RAD54B: variants seen among roughly 807,000 people sequenced by gnomAD.
RAD54B encodes the protein RAD54 homolog B.
In RAD54B, 78 loss-of-function variants were observed where a neutral mutation model predicts 95.8. That is an observed-to-expected ratio of 0.81 (90% CI 0.68 to 0.98). The LOEUF is 0.98. RAD54B is among the 50% of genes least tolerant of loss of function. The pLI, the probability that RAD54B is intolerant of heterozygous loss-of-function variation, is 0.00. For missense variants in RAD54B, 957 were observed against 1,056.6 expected, an observed-to-expected ratio of 0.91 and a Z score of 1.31; for synonymous variants, 328 against 354.9, an observed-to-expected ratio of 0.92 and a Z score of 0.85.
At position 94,429,561 on chromosome 8, in the gene RAD54B, T is replaced by C. The variant is rs968908288; in HGVS notation, c.305-18246A>G. On this transcript the variant is annotated intron_variant, in intron 3 of 14. Transcript: ENST00000336148. ...TGTAAAGTGAATTACATCTCATATATGTGCTTTCAATAATTTCAAAAAATA... is the reference window on the plus strand; with the variant it reads ...TGTAAAGTGAATTACATCTCATATACGTGCTTTCAATAATTTCAAAAAATA... 9.2e-6 allele frequency: 9 copies of C among 982,716 alleles called. No homozygotes were observed. In the Admixed American group the frequency reaches 3.1e-4, roughly 34 times the overall value. 60.9% of individuals were successfully genotyped at this position (982,716 alleles called of 1,614,324 possible). A position where few individuals can be genotyped will look rare whatever the true frequency, so the allele number is the denominator to read the frequency against.
chr8:94,390,850 A>C (rs1227856542), intron 10 of RAD54B, among the ~76,000 whole-genome samples: 1 of 152,010 alleles, frequency 6.6e-6, no homozygotes, highest in Non-Finnish European at 1.5e-5. Context: ...CTAAACACGA[A>C]ATTCATTTAT....
At chr8:94,399,275 C>G in intron 8 of RAD54B, 139 bp downstream of exon 8, 3 of 685,962 alleles carry the variant, frequency 4.4e-6, no homozygotes, top group Non-Finnish European at 7.2e-6. Flanking sequence ...AGAATCCTAC[C>G]AAGAGTTAAT....
intron 2 of RAD54B, among the ~76,000 whole-genome samples, chr8:94,461,756 G>A (rs1028477056): frequency 5.9e-5 from 9 of 152,010 alleles, no homozygotes; most frequent in African/African-American, 1.7e-4. Context: ...ACACACACAC[G>A]TGAGAGTAAA....
intron 3 of RAD54B, among the ~76,000 whole-genome samples, chr8:94,454,483 C>A (rs888469548): frequency 1.2e-4 from 18 of 151,952 alleles, no homozygotes; most frequent in Non-Finnish European, 4.4e-5. Context: ...CAAATAAAAC[C>A]AATAAAATAT....
intron 3 of RAD54B, among the ~76,000 whole-genome samples, chr8:94,447,579 C>T (rs954650368): frequency 6.6e-6 from 1 of 152,190 alleles, no homozygotes; most frequent in Admixed American, 6.5e-5. Flanking sequence ...AAAGTATGTG[C>T]CTGCTTCGTA....
intron 14 of RAD54B, among the ~76,000 whole-genome samples, chr8:94,374,898 A>G (rs944800697): frequency 6.6e-6 from 1 of 152,234 alleles, no homozygotes; most frequent in Non-Finnish European, 1.5e-5. Context: ...GTTCACATAA[A>G]GAACTATGGT....
intron 14 of RAD54B, among the ~76,000 whole-genome samples, chr8:94,377,743 G>A (rs1247018017): frequency 6.0e-5 from 9 of 150,940 alleles, no homozygotes; most frequent in Admixed American, 1.3e-4. Flanking sequence ...TTGGGAGGCC[G>A]AGGCGGGCGG....
In RAD54B at chr8:94,399,540, C is replaced by A. The variant is rs119490107; in HGVS notation, c.1252G>T (p.Asp418Tyr). 3.8e-5 allele frequency: 61 copies of A among 1,612,854 alleles called. No individual in the cohort carries two copies. In the East Asian group the frequency reaches 1.4e-3, roughly 36 times the overall value. ...ISYEMLLRSL[D>Y]QIKNIKFDLL... ...TCAAATTTTATATTCTTAATTTGATCCAGGGAACGAAGTAACATTTCATAA... is the reference window on the plus strand; with the variant it reads ...TCAAATTTTATATTCTTAATTTGATACAGGGAACGAAGTAACATTTCATAA... The change falls in exon 8 of 15, where the codon GAT (aspartate) becomes TAT (tyrosine). Residue 418 changes from aspartate (D) to tyrosine (Y), a missense_variant. Transcript: ENST00000336148.
At chr8:94,397,264 T>A (rs566529823) in intron 8 of RAD54B, among the ~76,000 whole-genome samples, 1 of 152,268 alleles carries the variant, frequency 6.6e-6, no homozygotes, top group Non-Finnish European at 1.5e-5. Flanking sequence ...ACTTTCATAA[T>A]AAGGAACAAA....
chr8:94,410,443 C>T (rs1811502134), intron 4 of RAD54B, among the ~76,000 whole-genome samples: 1 of 152,072 alleles, frequency 6.6e-6, no homozygotes, highest in Non-Finnish European at 1.5e-5. Context: ...CTGCCTGGCA[C>T]ATAATAGTTA....
chr8:94,395,266 G>T (rs1427196745), intron 8 of RAD54B, among the ~76,000 whole-genome samples: 1 of 152,156 alleles, frequency 6.6e-6, no homozygotes, highest in Non-Finnish European at 1.5e-5. Flanking sequence ...GTTTGCATGT[G>T]ATTTACAGAG....
chr8:94,440,329 C>A (rs377104904), intron 3 of RAD54B, among the ~76,000 whole-genome samples: 15 of 152,142 alleles, frequency 9.9e-5, no homozygotes, highest in East Asian at 5.8e-4. Flanking sequence ...ATAAAATTAT[C>A]TTTCTAGTTT....
At chr8:94,457,615 G>A (rs7845278) in intron 3 of RAD54B, among the ~76,000 whole-genome samples, 15,509 of 152,134 alleles carry the variant, frequency 0.1, 1,499 homozygotes, top group African/African-American at 0.24. Flanking sequence ...AGATGGGGCC[G>A]GCTGGCTGAA....
At chr8:94,472,746 C>T (rs1362531305) in intron 1 of RAD54B, among the ~76,000 whole-genome samples, 1 of 152,198 alleles carries the variant, frequency 6.6e-6, no homozygotes, top group East Asian at 1.9e-4. Context: ...CTATTTAACT[C>T]TCTAGACACC....
chr8:94,378,465 T>C (rs1022953865), intron 13 of RAD54B, 85 bp from the exon 14 acceptor site: 27 of 1,423,568 alleles, frequency 1.9e-5, no homozygotes, highest in Middle Eastern at 1.9e-4. Flanking sequence ...ACATACTAGT[T>C]AATAAAATAA....
intron 6 of RAD54B, among the ~76,000 whole-genome samples, chr8:94,402,234 T>C (rs1183186050): frequency 6.6e-6 from 1 of 151,454 alleles, no homozygotes; most frequent in Non-Finnish European, 1.5e-5. Flanking sequence ...AAACCAAAAG[T>C]TTAATGTGCT....
At chr8:94,439,303 C>A (rs964666163) in intron 3 of RAD54B, among the ~76,000 whole-genome samples, 22 of 152,192 alleles carry the variant, frequency 1.4e-4, no homozygotes, top group African/African-American at 5.3e-4. Context: ...ACGGGAGCAA[C>A]GAAGCATTCT....
At chr8:94,459,833 C>T (rs1453123670) in intron 2 of RAD54B, among the ~76,000 whole-genome samples, 4 of 149,422 alleles carry the variant, frequency 2.7e-5, no homozygotes, top group African/African-American at 9.9e-5. Flanking sequence ...GTACTCCAGC[C>T]TGGGCGACAG....
At chr8:94,382,978 C>G (rs1436653584) in intron 11 of RAD54B, among the ~76,000 whole-genome samples, 1 of 152,012 alleles carries the variant, frequency 6.6e-6, no homozygotes, top group East Asian at 1.9e-4. Flanking sequence ...TGAAAACGGA[C>G]TAATGCATAG....
Sources: allele counts gnomAD v4.1 joint callset (sites outside exome capture counted in the v4.1 genomes callset), GRCh38; gene constraint gnomAD v4.1.1; transcripts MANE v1.5; gene names NCBI Gene and HGNC (gene_info 2026-07-23, HGNC 2026-07-21).